TBC1D32: variants seen among roughly 807,000 people sequenced by gnomAD.
TBC1D32 encodes protein broad-minded.
In TBC1D32, 151 loss-of-function variants were observed where a neutral mutation model predicts 170.3. The ratio of observed to expected loss-of-function variants is 0.89; its 90% CI spans 0.78 to 1.01. TBC1D32 has a LOEUF of 1.01. TBC1D32 is among the 50% of genes least tolerant of loss of function. TBC1D32 has a pLI of 0.00. For missense variants in TBC1D32, 1,464 were observed against 1,457.1 expected (o/e 1.00, Z -0.08); for synonymous variants, 498 against 488.0 (o/e 1.02, Z -0.27).
intron 21 of TBC1D32, among the ~76,000 whole-genome samples, chr6:121,218,046 G>C (rs1187503886): frequency 6.6e-6 from 1 of 152,206 alleles, no homozygotes; most frequent in Non-Finnish European, 1.5e-5. Context: ...GATTGTTCCA[G>C]ATGCCCATTG....
chr6:121,284,697 C>A (rs941428117), intron 12 of TBC1D32, among the ~76,000 whole-genome samples: 1 of 151,918 alleles, frequency 6.6e-6, no homozygotes, highest in South Asian at 2.1e-4. Context: ...TAAACCACTA[C>A]AAACTCAATT....
intron 12 of TBC1D32, among the ~76,000 whole-genome samples, chr6:121,287,099 A>G (rs1254566467): frequency 1.3e-5 from 2 of 152,098 alleles, no homozygotes; most frequent in Non-Finnish European, 2.9e-5. Context: ...ATCAACTAAC[A>G]AGCAAAATAA....
rs1428896021 is a variant in TBC1D32 at position 121,109,141 on chromosome 6, AG to A, written c.3325-2979del. The stretch of plus-strand genomic sequence containing the variant: ...GCTTACATTTGTTGATGTTCTACAA[AG>A]GGGTAACAAGTATGTCATGCCATTC... On this transcript the variant is annotated intron_variant, in intron 29 of 31. Coordinates refer to ENST00000398212, the MANE Select transcript of TBC1D32 (RefSeq NM_152730.6). Among the ~76,000 whole-genome samples the A allele has an allele frequency of 2.6e-5, 4 of 152,292 alleles. 1 individual carries two copies. Among genetic ancestry groups the A allele is most frequent in the South Asian group, 2.1e-4 (1 of 4,824 alleles).
chr6:121,199,699 T>C (rs1298036107), intron 22 of TBC1D32, among the ~76,000 whole-genome samples: 1 of 151,340 alleles, frequency 6.6e-6, no homozygotes, highest in Non-Finnish European at 1.5e-5. Flanking sequence ...CATCATGTTA[T>C]ATTCTAATTT....
chr6:121,235,449 G>A (rs1451615171), intron 20 of TBC1D32, among the ~76,000 whole-genome samples: 1 of 152,106 alleles, frequency 6.6e-6, no homozygotes, highest in African/African-American at 2.4e-5. Flanking sequence ...TGGGTGAGTG[G>A]TTCCCAGTCC....
chr6:121,255,009 T>C (rs986382239), intron 17 of TBC1D32, among the ~76,000 whole-genome samples: 3 of 152,130 alleles, frequency 2.0e-5, no homozygotes, highest in Admixed American at 1.3e-4. Context: ...ATATTATTTC[T>C]ACTAAACTCT....
intron 19 of TBC1D32, 46 bp from the exon 20 acceptor site, chr6:121,239,234 T>G (rs774588068): frequency 1.7e-6 from 2 of 1,211,318 alleles, no homozygotes; most frequent in East Asian, 2.4e-5. Context: ...TAATATTTCT[T>G]TGGATTATGA....
At chr6:121,188,155 T>C (rs1442575902) in intron 22 of TBC1D32, among the ~76,000 whole-genome samples, 1 of 152,158 alleles carries the variant, frequency 6.6e-6, no homozygotes, top group Non-Finnish European at 1.5e-5. Flanking sequence ...TAAGAGTACC[T>C]ACTTCATAAG....
chr6:121,320,870 C>T (rs1809608764), intron 2 of TBC1D32, among the ~76,000 whole-genome samples: 1 of 152,040 alleles, frequency 6.6e-6, no homozygotes, highest in African/African-American at 2.4e-5. Context: ...GAAATATGAA[C>T]CACAGCAAGT....
intron 12 of TBC1D32, among the ~76,000 whole-genome samples, chr6:121,285,075 C>T (rs1051019943): frequency 3.9e-5 from 6 of 152,004 alleles, no homozygotes; most frequent in Non-Finnish European, 8.8e-5. Flanking sequence ...TACTGTGTAA[C>T]GGGGTCAGCA....
chr6:121,260,001 C>A (rs1799557451), intron 15 of TBC1D32, among the ~76,000 whole-genome samples: 1 of 152,086 alleles, frequency 6.6e-6, no homozygotes, highest in Non-Finnish European at 1.5e-5. Flanking sequence ...CATTTCCACC[C>A]AGCCTTCTTC....
chr6:121,247,634 A>C (rs966845784), intron 17 of TBC1D32, among the ~76,000 whole-genome samples: 1 of 149,758 alleles, frequency 6.7e-6, no homozygotes, highest in South Asian at 2.1e-4. Context: ...ATTCCACACA[A>C]ATAGAAACCA....
intron 22 of TBC1D32, among the ~76,000 whole-genome samples, chr6:121,183,622 T>C (rs1373841913): frequency 2.0e-5 from 3 of 152,102 alleles, no homozygotes; most frequent in Non-Finnish European, 4.4e-5. Context: ...CACAAATAAT[T>C]TTCACAGAAA....
At chr6:121,183,706 C>A (rs984268833) in intron 22 of TBC1D32, among the ~76,000 whole-genome samples, 4 of 151,998 alleles carry the variant, frequency 2.6e-5, no homozygotes, top group Non-Finnish European at 4.4e-5. Context: ...ATACAGAAAT[C>A]TCTAAAATAT....
At chr6:121,268,915 C>T (rs557542749) in intron 15 of TBC1D32, among the ~76,000 whole-genome samples, 2 of 152,284 alleles carry the variant, frequency 1.3e-5, no homozygotes, top group South Asian at 2.1e-4. Flanking sequence ...GCGGATCTCT[C>T]GGCAGACACT....
chr6:121,276,977 C>G (rs1033477651), intron 15 of TBC1D32, among the ~76,000 whole-genome samples: 2 of 152,140 alleles, frequency 1.3e-5, no homozygotes, highest in Non-Finnish European at 2.9e-5. Context: ...TTCAACATAC[C>G]TCTATCAGTA....
intron 24 of TBC1D32, among the ~76,000 whole-genome samples, chr6:121,142,184 A>C (rs1289853783): frequency 6.6e-6 from 1 of 152,206 alleles, no homozygotes; most frequent in Non-Finnish European, 1.5e-5. Context: ...CTTTCACTGG[A>C]TACCTTTGTC....
chr6:121,169,044 C>A (rs202121691), intron 22 of TBC1D32, among the ~76,000 whole-genome samples: 1 of 132,366 alleles, frequency 7.6e-6, no homozygotes, highest in African/African-American at 2.5e-5. Flanking sequence ...TATTGACATT[C>A]TTTACAGAAT....
At chr6:121,311,418 C>G (rs1583696835) in intron 3 of TBC1D32, among the ~76,000 whole-genome samples, 1 of 152,106 alleles carries the variant, frequency 6.6e-6, no homozygotes, top group East Asian at 1.9e-4. Context: ...ATATCTAAAA[C>G]TTCATCTGAA....
Sources: gnomAD v4.1 joint callset for allele counts (sites outside exome capture counted in the v4.1 genomes callset) on GRCh38, gnomAD v4.1.1 for gene constraint, MANE v1.5 for transcripts, NCBI Gene and HGNC (gene_info 2026-07-23, HGNC 2026-07-21) for gene names.